The following PRKCH variants were observed in gnomAD, a reference collection of about 807,000 sequenced individuals.
PRKCH encodes protein kinase C eta.
A neutral mutation model predicts 82.5 loss-of-function variants in PRKCH; 28 were observed. The observed-to-expected ratio is 0.34, with a 90% CI of 0.25 to 0.47. The LOEUF is 0.47. Ranked by LOEUF, PRKCH falls within the 20% of genes least tolerant of loss-of-function variation. The pLI, the probability that PRKCH is intolerant of heterozygous loss-of-function variation, is 1.00. For missense variants in PRKCH, 705 were observed against 881.8 expected (o/e 0.80, Z 2.54); for synonymous variants, 322 against 327.4 (o/e 0.98, Z 0.18).
chr14:61,497,823 C>T (rs1234541769), intron 10 of PRKCH, among the ~76,000 whole-genome samples: 3 of 152,024 alleles, frequency 2.0e-5, no homozygotes, highest in African/African-American at 7.3e-5. Flanking sequence ...GAAGAGACTA[C>T]CCAAAGAAAG....
chr14:61,229,927 G>C (rs1015025236), intron 1 of PRKCH, among the ~76,000 whole-genome samples: 1 of 152,174 alleles, frequency 6.6e-6, no homozygotes, highest in African/African-American at 2.4e-5. Context: ...GCTTTTTAAA[G>C]CTCAAAAACA....
chr14:61,372,258 G>C (rs1469949636), intron 1 of PRKCH, among the ~76,000 whole-genome samples: 1 of 152,058 alleles, frequency 6.6e-6, no homozygotes. Flanking sequence ...TGTCCTTGTT[G>C]CTACTGAGGT....
At chr14:61,509,519 G>A (rs56911535) in intron 10 of PRKCH, among the ~76,000 whole-genome samples, 4,893 of 152,148 alleles carry the variant, frequency 0.032, 261 homozygotes, top group African/African-American at 0.11. Flanking sequence ...ATAAATTGAC[G>A]ATGTAAGATA....
intron 1 of PRKCH, among the ~76,000 whole-genome samples, chr14:61,269,706 G>C (rs1256184366): frequency 1.3e-5 from 2 of 152,178 alleles, no homozygotes; most frequent in African/African-American, 4.8e-5. Flanking sequence ...GCTGTCGTTT[G>C]CATTAGACCC....
rs189561422 is a variant in PRKCH at position 61,338,263 on chromosome 14, C to G, written c.363+15799C>G. Among the ~76,000 whole-genome samples the G allele has an allele frequency of 3.8e-3, 575 of 152,338 alleles. 4 individuals carry two copies. Among genetic ancestry groups the G allele is most frequent in the Middle Eastern group, 0.017 (5 of 294 alleles). On this transcript the variant is annotated intron_variant, in intron 1 of 13. Transcript: ENST00000332981. ...TTTGTAGAAAGGAAAAATTCCTTAT[C>G]ATTCCTTACCATTCTCTGTCTTGAG...
intron 10 of PRKCH, among the ~76,000 whole-genome samples, chr14:61,518,633 T>G (rs997721265): frequency 4.6e-5 from 7 of 152,038 alleles, no homozygotes; most frequent in Non-Finnish European, 7.4e-5. Context: ...TGAGACAAAG[T>G]GAGGGGAAAT....
intron 1 of PRKCH, among the ~76,000 whole-genome samples, chr14:61,328,410 G>T (rs199658367): frequency 2.4e-5 from 3 of 124,708 alleles, no homozygotes; most frequent in Non-Finnish European, 3.5e-5. Context: ...ACGTTATAAC[G>T]TTTTTCACTT....
chr14:61,518,113 A>G, intron 10 of PRKCH, among the ~76,000 whole-genome samples: 1 of 152,286 alleles, frequency 6.6e-6, no homozygotes, highest in South Asian at 2.1e-4. Context: ...GTCCAAGTGT[A>G]CTGTTGGCCG....
At chr14:61,382,438 AAAAC>A (rs2046525071) in intron 1 of PRKCH, among the ~76,000 whole-genome samples, 3 of 150,686 alleles carry the variant, frequency 2.0e-5, no homozygotes, top group South Asian at 4.1e-4. Context: ...TCAAAACAAA[AAAAC>A]AAAAACAAAC....
chr14:61,253,466 A>G (rs1306262380), intron 1 of PRKCH, among the ~76,000 whole-genome samples: 4 of 147,928 alleles, frequency 2.7e-5, no homozygotes, highest in Non-Finnish European at 5.9e-5. Flanking sequence ...ACCTTGCCAG[A>G]CTTTTCCCCT....
intron 9 of PRKCH, among the ~76,000 whole-genome samples, chr14:61,484,596 C>T (rs1450837901): frequency 6.6e-6 from 1 of 152,052 alleles, no homozygotes; most frequent in Non-Finnish European, 1.5e-5. Context: ...GTATTTAGTA[C>T]ACTGCATAGT....
intron 1 of PRKCH, among the ~76,000 whole-genome samples, chr14:61,255,872 C>T (rs1393088383): frequency 1.3e-5 from 2 of 152,132 alleles, no homozygotes; most frequent in Admixed American, 1.3e-4. Flanking sequence ...CATATATACC[C>T]TTTCAAAGTG....
chr14:61,214,038 A>G lies in PRKCH; in HGVS notation c.-19+26370A>G, dbSNP rs188943658. On this transcript the variant is annotated intron_variant, in intron 1 of 3. Coordinates refer to the PRKCH transcript ENST00000555185. ...AATTCTAGGAATTCTTTAGGCACACATTAGACAGCATAGAATATGATGGTT... is the reference window on the plus strand; with the variant it reads ...AATTCTAGGAATTCTTTAGGCACACGTTAGACAGCATAGAATATGATGGTT... 9.6e-4 allele frequency among the ~76,000 whole-genome samples: 147 copies of G among 152,332 alleles called. 1 individual carries two copies. Among genetic ancestry groups the G allele is most frequent in the African/African-American group, 3.5e-3 (145 of 41,568 alleles).
At chr14:61,214,303 T>A (rs1168721443) in intron 1 of PRKCH, among the ~76,000 whole-genome samples, 3 of 151,480 alleles carry the variant, frequency 2.0e-5, no homozygotes, top group Non-Finnish European at 4.4e-5. Context: ...AGTGGGAGAG[T>A]AGAAGAAGTG....
At chr14:61,227,451 A>G (rs1015012901) in intron 1 of PRKCH, among the ~76,000 whole-genome samples, 9 of 152,086 alleles carry the variant, frequency 5.9e-5, no homozygotes, top group Non-Finnish European at 1.0e-4. Flanking sequence ...AAAATTAGCC[A>G]GGCGTGGTGG....
chr14:61,212,751 C>T (rs2044591960), intron 1 of PRKCH, among the ~76,000 whole-genome samples: 1 of 152,206 alleles, frequency 6.6e-6, no homozygotes, highest in African/African-American at 2.4e-5. Context: ...TAAGTTGCAA[C>T]TCCTGTCCTT....
intron 2 of PRKCH, among the ~76,000 whole-genome samples, chr14:61,434,371 C>T (rs548423516): frequency 7.2e-5 from 11 of 151,912 alleles, no homozygotes; most frequent in Admixed American, 3.3e-4. Flanking sequence ...ATCCTGAAAC[C>T]GAGCAGTGAT....
intron 10 of PRKCH, among the ~76,000 whole-genome samples, chr14:61,508,061 A>C (rs1020541544): frequency 6.6e-6 from 1 of 152,146 alleles, no homozygotes; most frequent in Non-Finnish European, 1.5e-5. Context: ...GCATACATTA[A>C]GTATCTACAG....
At position 61,380,250 on chromosome 14, in the gene PRKCH, T is replaced by C. The variant is rs188343934; in HGVS notation, c.364-10975T>C. ...TTTTTTATTTTTTATAGAGATGAGA[T>C]CTCCCTGTGTTGCGCAGACTAATCT... On this transcript the variant is annotated intron_variant, in intron 1 of 13. Transcript: ENST00000332981. 2.5e-3 allele frequency among the ~76,000 whole-genome samples: 372 copies of C among 150,706 alleles called. 3 individuals carry two copies. Among genetic ancestry groups the C allele is most frequent in the African/African-American group, 8.4e-3 (348 of 41,412 alleles).
Sources: gnomAD v4.1 joint callset for allele counts (sites outside exome capture counted in the v4.1 genomes callset) on GRCh38, gnomAD v4.1.1 for gene constraint, MANE v1.5 for transcripts, NCBI Gene and HGNC (gene_info 2026-07-23, HGNC 2026-07-21) for gene names.